Variants in EXOC4 observed in about 807,000 individuals in gnomAD.
EXOC4 encodes the protein exocyst complex component 4.
EXOC4 carries 71 observed loss-of-function variants against 107.2 expected under a neutral mutation model. That is an observed-to-expected ratio of 0.66 (90% CI 0.55 to 0.81). The LOEUF is 0.81. Ranked by LOEUF, EXOC4 falls within the 30% of genes least tolerant of loss-of-function variation. The pLI is 0.00. For missense variants in EXOC4, 1,108 were observed against 1,189.6 expected, an observed-to-expected ratio of 0.93 and a Z score of 1.01; for synonymous variants, 456 against 441.2, an observed-to-expected ratio of 1.03 and a Z score of -0.42.
At chr7:133,523,348 T>G (rs1450913908) in intron 9 of EXOC4, among the ~76,000 whole-genome samples, 1 of 152,160 alleles carries the variant, frequency 6.6e-6, no homozygotes, top group Admixed American at 6.5e-5. Context: ...GAAGTCATAG[T>G]TCACTGCCAT....
Position 133,255,835 on chromosome 7 carries a change from G to C in EXOC4, c.86+2648G>C, listed in dbSNP as rs370970056. Among the ~76,000 whole-genome samples the C allele has an allele frequency of 9.3e-4, 142 of 152,322 alleles. 2 individuals are homozygous for C. The highest frequency in any genetic ancestry group is 3.2e-3 in the African/African-American group (134 of 41,562). On this transcript the variant is annotated intron_variant, in intron 1 of 17. Coordinates refer to ENST00000253861, the MANE Select transcript of EXOC4 (RefSeq NM_021807.4). ...ACTTTGGTGTTTGGGATGGGGAATG[G>C]GGGGAGAGTCCTGCGGGTAAGAGAA...
At chr7:133,903,841 G>A (rs1279264158) in intron 12 of EXOC4, among the ~76,000 whole-genome samples, 2 of 152,160 alleles carry the variant, frequency 1.3e-5, no homozygotes, top group African/African-American at 2.4e-5. Flanking sequence ...GCAAGATGAC[G>A]AGAAACCATC....
At chr7:134,025,429 C>T (rs1795118433) in intron 17 of EXOC4, among the ~76,000 whole-genome samples, 2 of 152,160 alleles carry the variant, frequency 1.3e-5, no homozygotes, top group African/African-American at 4.8e-5. Flanking sequence ...ATAAATCATC[C>T]CAAAGCGCAG....
At chr7:133,989,246 A>G (rs1055073599) in intron 14 of EXOC4, among the ~76,000 whole-genome samples, 1 of 152,240 alleles carries the variant, frequency 6.6e-6, no homozygotes, top group Non-Finnish European at 1.5e-5. Flanking sequence ...AATTCAGGAT[A>G]GAGAACAGAT....
the EXOC4 span, among the ~76,000 whole-genome samples, chr7:134,081,720 A>C: frequency 1.3e-5 from 2 of 152,150 alleles, no homozygotes; most frequent in Admixed American, 6.5e-5. Flanking sequence ...GTTTCTAGCT[A>C]GGTTAACTGA....
intron 7 of EXOC4, among the ~76,000 whole-genome samples, chr7:133,439,811 A>G (rs1217285744): frequency 6.6e-6 from 1 of 152,202 alleles, no homozygotes; most frequent in Middle Eastern, 3.4e-3. Context: ...GACCCTTCCC[A>G]TGTTTTCCCT....
At chr7:133,267,924 G>C (rs1793772237) in intron 1 of EXOC4, among the ~76,000 whole-genome samples, 1 of 152,110 alleles carries the variant, frequency 6.6e-6, no homozygotes, top group South Asian at 2.1e-4. Context: ...TAAGAATATA[G>C]AGAAAAGGTC....
chr7:133,376,313 A>G (rs964448284), intron 7 of EXOC4, among the ~76,000 whole-genome samples: 1 of 152,128 alleles, frequency 6.6e-6, no homozygotes, highest in Non-Finnish European at 1.5e-5. Context: ...AAATATCTTT[A>G]TGGGTTGGAG....
intron 10 of EXOC4, among the ~76,000 whole-genome samples, chr7:133,669,699 G>A (rs897900823): frequency 6.6e-6 from 1 of 152,116 alleles, no homozygotes; most frequent in African/African-American, 2.4e-5. Flanking sequence ...GTATATTTGG[G>A]GTAAGAGATG....
chr7:133,349,061 T>A (rs1297533857), intron 5 of EXOC4, among the ~76,000 whole-genome samples: 1 of 152,174 alleles, frequency 6.6e-6, no homozygotes, highest in Non-Finnish European at 1.5e-5. Context: ...CTTATTCTTA[T>A]AAGAATAAAA....
chr7:133,767,926 G>T (rs1796171525), intron 10 of EXOC4, among the ~76,000 whole-genome samples: 1 of 151,944 alleles, frequency 6.6e-6, no homozygotes, highest in Non-Finnish European at 1.5e-5. Context: ...AGCAATTCTA[G>T]ATTCGGTTAA....
At chr7:133,379,344 G>C (rs1190003651) in intron 7 of EXOC4, among the ~76,000 whole-genome samples, 1 of 151,618 alleles carries the variant, frequency 6.6e-6, no homozygotes, top group Non-Finnish European at 1.5e-5. Flanking sequence ...TCTCTTTTCT[G>C]ATAGTGGCAC....
chr7:133,259,584 GA>G (rs200588025), intron 1 of EXOC4, among the ~76,000 whole-genome samples: 10 of 146,802 alleles, frequency 6.8e-5, no homozygotes, highest in Non-Finnish European at 9.0e-5. Flanking sequence ...TCCAGTTTAA[GA>G]AAAAAAAAAT....
At chr7:133,646,561 C>A (rs146015270) in intron 10 of EXOC4, among the ~76,000 whole-genome samples, 2 of 152,204 alleles carry the variant, frequency 1.3e-5, no homozygotes, top group African/African-American at 4.8e-5. Flanking sequence ...TGCTTTCCAC[C>A]AAACCCACTT....
At chr7:133,556,351 A>G (rs1800690605) in intron 9 of EXOC4, among the ~76,000 whole-genome samples, 1 of 152,040 alleles carries the variant, frequency 6.6e-6, no homozygotes, top group Non-Finnish European at 1.5e-5. Context: ...ATACATATCT[A>G]GAGTTAAGTC....
rs1053253811 is a variant in EXOC4 at position 134,033,214 on chromosome 7, C to T, written c.2687+25379C>T. 4.6e-5 allele frequency among the ~76,000 whole-genome samples: 7 copies of T among 151,928 alleles called. No individual in the cohort carries two copies. In the East Asian group the frequency reaches 1.2e-3, roughly 25 times the overall value. Reference sequence around the variant, plus strand: ...AAAATGTCAGAGTGCCAAGAGAAACCGAAAATAGAGACTAATGAAAATTTT... The same window carrying T: ...AAAATGTCAGAGTGCCAAGAGAAACTGAAAATAGAGACTAATGAAAATTTT... On this transcript the variant is annotated intron_variant, in intron 17 of 17. Coordinates refer to ENST00000253861, the MANE Select transcript of EXOC4 (RefSeq NM_021807.4).
intron 17 of EXOC4, among the ~76,000 whole-genome samples, chr7:134,039,778 C>A (rs2116521588): frequency 6.6e-6 from 1 of 152,312 alleles, no homozygotes; most frequent in African/African-American, 2.4e-5. Context: ...ACTTTGATAG[C>A]ATTCTCATTC....
At chr7:133,457,205 GCTTA>G (rs1400355481) in intron 7 of EXOC4, among the ~76,000 whole-genome samples, 1 of 152,192 alleles carries the variant, frequency 6.6e-6, no homozygotes, top group African/African-American at 2.4e-5. Context: ...GTTGGAATGA[GCTTA>G]CTTAATTTTG....
intron 15 of EXOC4, among the ~76,000 whole-genome samples, chr7:134,003,930 A>C (rs1585314684): frequency 6.6e-6 from 1 of 152,132 alleles, no homozygotes; most frequent in East Asian, 1.9e-4. Flanking sequence ...GTGTGTGACC[A>C]GACTGACACA....
Sources: allele counts gnomAD v4.1 joint callset (sites outside exome capture counted in the v4.1 genomes callset), GRCh38; gene constraint gnomAD v4.1.1; transcripts MANE v1.5; gene names NCBI Gene and HGNC (gene_info 2026-07-23, HGNC 2026-07-21).